Variants in LRRC4C observed in about 807,000 individuals in gnomAD.
LRRC4C encodes leucine rich repeat containing 4C.
LRRC4C carries 5 observed loss-of-function variants against 33.6 expected under a neutral mutation model. The observed-to-expected ratio is 0.15, with a 90% CI of 0.08 to 0.31. The LOEUF is 0.31. LRRC4C is among the 10% of genes least tolerant of loss of function. LRRC4C has a pLI of 1.00. For synonymous variants in LRRC4C, 329 were observed against 302.0 expected (o/e 1.09, Z -0.93); for missense variants, 560 against 796.7 (o/e 0.70, Z 3.58).
intron 1 of LRRC4C, among the ~76,000 whole-genome samples, chr11:41,034,307 T>C (rs1365823262): frequency 1.3e-5 from 2 of 151,620 alleles, no homozygotes; most frequent in East Asian, 2.0e-4. Flanking sequence ...CACAAGATGA[T>C]AGTGATACGC....
At chr11:41,053,327 C>G (rs1858388571) in intron 1 of LRRC4C, among the ~76,000 whole-genome samples, 1 of 152,168 alleles carries the variant, frequency 6.6e-6, no homozygotes, top group Admixed American at 6.5e-5. Context: ...GCCCATGTGG[C>G]AAGGAACTGA....
chr11:41,010,434 T>G (rs1251969910), intron 1 of LRRC4C, among the ~76,000 whole-genome samples: 1 of 152,136 alleles, frequency 6.6e-6, no homozygotes, highest in African/African-American at 2.4e-5. Flanking sequence ...GCAGTGAAAA[T>G]ATACCAGGCA....
chr11:40,464,367 T>C (rs1215259884), intron 3 of LRRC4C, among the ~76,000 whole-genome samples: 1 of 151,872 alleles, frequency 6.6e-6, no homozygotes, highest in Non-Finnish European at 1.5e-5. Context: ...CCAGCCAACA[T>C]CATACTGCAT....
At chr11:41,264,259 T>G (rs1949078693) in intron 1 of LRRC4C, among the ~76,000 whole-genome samples, 1 of 152,126 alleles carries the variant, frequency 6.6e-6, no homozygotes, top group South Asian at 2.1e-4. Flanking sequence ...GTCCAGCTAA[T>G]TTTTGTATTT....
intron 1 of LRRC4C, among the ~76,000 whole-genome samples, chr11:41,377,246 T>C (rs911747359): frequency 2.0e-5 from 3 of 152,186 alleles, no homozygotes; most frequent in Admixed American, 2.0e-4. Flanking sequence ...CTTTTGTGTG[T>C]CAGGCACTAG....
chr11:40,155,428 A>G (rs1480671339), intron 5 of LRRC4C, among the ~76,000 whole-genome samples: 1 of 152,154 alleles, frequency 6.6e-6, no homozygotes, highest in African/African-American at 2.4e-5. Flanking sequence ...TGGTTCTTTG[A>G]AAAGATACAT....
intron 2 of LRRC4C, among the ~76,000 whole-genome samples, chr11:40,665,645 A>G (rs1230030061): frequency 6.6e-6 from 1 of 151,856 alleles, no homozygotes; most frequent in Non-Finnish European, 1.5e-5. Context: ...CAGAACATAG[A>G]AAATAGAAAG....
intron 3 of LRRC4C, among the ~76,000 whole-genome samples, chr11:40,517,759 A>G (rs1418716570): frequency 6.6e-6 from 1 of 151,634 alleles, no homozygotes; most frequent in Non-Finnish European, 1.5e-5. Flanking sequence ...AAAAAAAACT[A>G]CTTTAAACTT....
At chr11:41,101,616 C>T (rs1941190344) in intron 1 of LRRC4C, among the ~76,000 whole-genome samples, 2 of 152,144 alleles carry the variant, frequency 1.3e-5, no homozygotes, top group African/African-American at 2.4e-5. Flanking sequence ...AAAAACAGAA[C>T]TACTATTCCA....
chr11:40,493,433 A>G (rs1034891988), intron 3 of LRRC4C, among the ~76,000 whole-genome samples: 1 of 152,112 alleles, frequency 6.6e-6, no homozygotes, highest in Admixed American at 6.6e-5. Flanking sequence ...CAACAATCAT[A>G]CTGTGTATTG....
At chr11:41,360,237 T>G (rs777849177) in intron 1 of LRRC4C, among the ~76,000 whole-genome samples, 1 of 152,078 alleles carries the variant, frequency 6.6e-6, no homozygotes, top group African/African-American at 2.4e-5. Flanking sequence ...TCTAGGCATC[T>G]CCTCTCCATC....
At chr11:40,937,603 ATGTG>A (rs35416837) in intron 1 of LRRC4C, among the ~76,000 whole-genome samples, 4,535 of 135,954 alleles carry the variant, frequency 0.033, 73 homozygotes, top group Non-Finnish European at 0.045. Context: ...GTGTGTGTAT[ATGTG>A]TGTGTGTGTG....
At chr11:40,349,324 T>C (rs1274358161) in intron 3 of LRRC4C, among the ~76,000 whole-genome samples, 1 of 152,146 alleles carries the variant, frequency 6.6e-6, no homozygotes, top group Non-Finnish European at 1.5e-5. Context: ...CAAAAGTTTG[T>C]CTTTCCGTGT....
chr11:40,164,631 T>C (rs1180849500), intron 5 of LRRC4C, among the ~76,000 whole-genome samples: 2 of 152,194 alleles, frequency 1.3e-5, no homozygotes, highest in Non-Finnish European at 1.5e-5. Context: ...ATGTTCTTTC[T>C]AATATGTAAG....
intron 4 of LRRC4C, among the ~76,000 whole-genome samples, chr11:40,251,462 C>G (rs886622633): frequency 1.3e-5 from 2 of 152,114 alleles, no homozygotes; most frequent in African/African-American, 2.4e-5. Context: ...ACAGTCAAAC[C>G]TACAAACAGA....
At chr11:41,210,628 C>T (rs1267804153) in intron 1 of LRRC4C, among the ~76,000 whole-genome samples, 2 of 151,970 alleles carry the variant, frequency 1.3e-5, no homozygotes, top group Non-Finnish European at 2.9e-5. Flanking sequence ...ATATCTAGTA[C>T]CTGAATATGA....
At chr11:41,424,496 AGTTT>A (rs886657381) in intron 1 of LRRC4C, among the ~76,000 whole-genome samples, 2 of 152,024 alleles carry the variant, frequency 1.3e-5, no homozygotes, top group African/African-American at 4.8e-5. Context: ...GGTAAAAATC[AGTTT>A]AAAATAAGGT....
intron 3 of LRRC4C, among the ~76,000 whole-genome samples, chr11:40,601,387 T>G (rs11035954): frequency 0.45 from 69,169 of 152,030 alleles, 16,851 homozygotes; most frequent in Middle Eastern, 0.59. Flanking sequence ...AAGGCCCAGA[T>G]ATTATTTTCT....
chr11:40,867,071 G>A (rs1954402674), intron 2 of LRRC4C, among the ~76,000 whole-genome samples: 2 of 152,096 alleles, frequency 1.3e-5, no homozygotes, highest in African/African-American at 4.8e-5. Context: ...TGATGCCAGA[G>A]CATTCTATCC....
Sources: gnomAD v4.1 joint callset for allele counts (sites outside exome capture counted in the v4.1 genomes callset) on GRCh38, gnomAD v4.1.1 for gene constraint, MANE v1.5 for transcripts, NCBI Gene and HGNC (gene_info 2026-07-23, HGNC 2026-07-21) for gene names.